The following SCAI variants were observed in gnomAD, a reference collection of about 807,000 sequenced individuals.
SCAI encodes protein SCAI.
In SCAI, 24 loss-of-function variants were observed where a neutral mutation model predicts 92.2. The ratio of observed to expected loss-of-function variants is 0.26; its 90% CI spans 0.19 to 0.37. The LOEUF (loss-of-function observed/expected upper bound fraction) is 0.37, where lower values mean the gene tolerates loss of function less well. Among genes scored for constraint, SCAI ranks in the 10% least tolerant of loss-of-function variants. SCAI has a pLI of 1.00. For synonymous variants in SCAI, 261 were observed against 258.6 expected, an observed-to-expected ratio of 1.01 and a Z score of -0.09; for missense variants, 450 against 736.2, an observed-to-expected ratio of 0.61 and a Z score of 4.50.
intron 2 of SCAI, among the ~76,000 whole-genome samples, chr9:125,079,045 G>T (rs2097343112): frequency 6.7e-6 from 1 of 150,290 alleles, no homozygotes; most frequent in South Asian, 2.1e-4. Context: ...TTTGATAATA[G>T]TTTCCTCTAT....
chr9:125,114,185 T>A (rs1462030814), intron 2 of SCAI, among the ~76,000 whole-genome samples: 2 of 152,164 alleles, frequency 1.3e-5, no homozygotes, highest in Non-Finnish European at 2.9e-5. Flanking sequence ...AACTTTAACA[T>A]AAGGTCACTC....
chr9:125,042,640 C>CGTGTGTGTGT (rs1564390407), intron 3 of SCAI, among the ~76,000 whole-genome samples: 2 of 78,610 alleles, frequency 2.5e-5, no homozygotes, highest in African/African-American at 9.1e-5. Flanking sequence ...TGTGTACACA[C>CGTGTGTGTGT]ACACACACAC....
rs764858681 is a variant in SCAI, at chr9:125,073,092, A to ATTTTTTTTTTTTTTTTTTTT, written c.99-17105_99-17086dup. Among the ~76,000 whole-genome samples the ATTTTTTTTTTTTTTTTTTTT allele has an allele frequency of 1.1e-4, 8 of 72,480 alleles. 2 individuals carry two copies. Among genetic ancestry groups the ATTTTTTTTTTTTTTTTTTTT allele is most frequent in the Non-Finnish European group, 1.6e-4 (6 of 37,334 alleles). The allele number at this position is 72,480 out of a possible 152,430, so 47.5% of individuals were successfully genotyped here. On this transcript the variant is annotated intron_variant, in intron 2 of 17. Transcript: ENST00000336505. ...GGATCATATGAGGATTCTATTTTTAATTTTTTTTTTTTTTTTTTTTTTTTT... is the reference window on the plus strand; with the variant it reads ...GGATCATATGAGGATTCTATTTTTAATTTTTTTTTTTTTTTTTTTTTTTTTTTTTTTTTTTTTTTTTTTTT...
chr9:125,003,405 C>T (rs921055085), intron 10 of SCAI, 64 bp downstream of exon 10: 8 of 1,140,086 alleles, frequency 7.0e-6, no homozygotes, highest in Admixed American at 6.9e-5. Flanking sequence ...GAATAATCAG[C>T]GTTCCAACAG....
At chr9:124,998,462 A>AT (rs1832290601) in intron 13 of SCAI, among the ~76,000 whole-genome samples, 1 of 152,102 alleles carries the variant, frequency 6.6e-6, no homozygotes, top group East Asian at 1.9e-4. Context: ...CAAAAAAAAA[A>AT]CAAACTCAAT....
chr9:125,119,163 G>T (rs540861426), intron 2 of SCAI, among the ~76,000 whole-genome samples: 2 of 152,274 alleles, frequency 1.3e-5, no homozygotes, highest in East Asian at 1.9e-4. Flanking sequence ...GGCGGGGGAT[G>T]GGGGAGCAGT....
chr9:124,953,342 G>A (rs758479286), intron 17 of SCAI, among the ~76,000 whole-genome samples: 7 of 152,164 alleles, frequency 4.6e-5, no homozygotes, highest in Non-Finnish European at 8.8e-5. Context: ...AAATGAGGCT[G>A]GGGCAGCCGG....
intron 14 of SCAI, among the ~76,000 whole-genome samples, chr9:124,991,671 T>G (rs1320796365): frequency 6.6e-6 from 1 of 151,802 alleles, no homozygotes; most frequent in Admixed American, 6.6e-5. Context: ...ACCCCATCTC[T>G]ACTAAAAACA....
chr9:125,010,714 C>T (rs531329577), intron 9 of SCAI, among the ~76,000 whole-genome samples: 10 of 152,282 alleles, frequency 6.6e-5, no homozygotes, highest in Middle Eastern at 3.4e-3. Flanking sequence ...GATCTGAGAA[C>T]GGGCAGACTG....
intron 14 of SCAI, among the ~76,000 whole-genome samples, chr9:124,982,272 T>TG (rs995418443): frequency 2.0e-5 from 3 of 152,168 alleles, no homozygotes; most frequent in African/African-American, 7.2e-5. Flanking sequence ...ATCAAAGACA[T>TG]GATCAAAGCC....
At position 124,962,169 on chromosome 9, in the gene SCAI, T is replaced by G. The variant is rs1340321708; in HGVS notation, c.1674+9201A>C. On this transcript the variant is annotated intron_variant, in intron 17 of 17. Coordinates refer to ENST00000336505, the MANE Select transcript of SCAI (RefSeq NM_001144877.3). ...ATATGTCTTTTTTTTTTTTTTTTTT[T>G]TGCGGGGGGGGATGGAGTCTTGCTC... 1.3e-3 allele frequency among the ~76,000 whole-genome samples: 154 copies of G among 115,234 alleles called. 1 individual carries two copies. The highest frequency in any genetic ancestry group is 3.5e-3 in the East Asian group (11 of 3,154). The allele number at this position is 115,234 out of a possible 152,430, so 75.6% of individuals were successfully genotyped here.
intron 2 of SCAI, among the ~76,000 whole-genome samples, chr9:125,073,980 G>A (rs550849445): frequency 6.6e-5 from 10 of 151,186 alleles, no homozygotes; most frequent in South Asian, 2.1e-4. Context: ...TGCCAGGCGC[G>A]GTGGCTCATG....
intron 17 of SCAI, among the ~76,000 whole-genome samples, chr9:124,969,205 A>G (rs1332795600): frequency 3.9e-5 from 6 of 152,188 alleles, no homozygotes; most frequent in Non-Finnish European, 7.3e-5. Flanking sequence ...TCGGCCTCCC[A>G]AAGTGCTGAG....
chr9:124,996,437 G>A (rs779301246), intron 13 of SCAI, among the ~76,000 whole-genome samples: 2 of 151,924 alleles, frequency 1.3e-5, no homozygotes, highest in Non-Finnish European at 2.9e-5. Context: ...AAGTAGCTGG[G>A]ACCATGGGCG....
At chr9:124,968,914 A>G (rs1831597464) in intron 17 of SCAI, 1 of 455,378 alleles carries the variant, frequency 2.2e-6, no homozygotes, top group Non-Finnish European at 3.9e-6. Flanking sequence ...ACTGTAGGAA[A>G]TCTCCAAAAT....
chr9:124,985,787 G>A (rs1312651575), intron 14 of SCAI, among the ~76,000 whole-genome samples: 2 of 151,274 alleles, frequency 1.3e-5, no homozygotes, highest in African/African-American at 2.4e-5. Flanking sequence ...TGCTTGAACC[G>A]GGGAGGCGGA....
chr9:125,071,484 T>G (rs1316680850), intron 2 of SCAI, among the ~76,000 whole-genome samples: 2 of 152,110 alleles, frequency 1.3e-5, no homozygotes, highest in Non-Finnish European at 2.9e-5. Context: ...ATAAAGAAAC[T>G]GAATAATACC....
At chr9:125,101,137 A>G (rs1234026793) in intron 2 of SCAI, among the ~76,000 whole-genome samples, 1 of 152,242 alleles carries the variant, frequency 6.6e-6, no homozygotes, top group East Asian at 1.9e-4. Context: ...GGAAGAGGTC[A>G]GAGACATACT....
chr9:125,124,363 T>C (rs1328625962), intron 2 of SCAI, among the ~76,000 whole-genome samples: 1 of 152,082 alleles, frequency 6.6e-6, no homozygotes, highest in East Asian at 1.9e-4. Context: ...GTCCCAAGAT[T>C]GTCAGTCAGT....
Sources: allele counts gnomAD v4.1 joint callset (sites outside exome capture counted in the v4.1 genomes callset), GRCh38; gene constraint gnomAD v4.1.1; transcripts MANE v1.5; gene names NCBI Gene and HGNC (gene_info 2026-07-23, HGNC 2026-07-21).